Variants in GOSR2 observed in about 807,000 individuals in gnomAD.
GOSR2 encodes golgi SNAP receptor complex member 2.
A neutral mutation model predicts 27.9 loss-of-function variants in GOSR2; 20 were observed. That is an observed-to-expected ratio of 0.72 (90% CI 0.50 to 1.04). The LOEUF (loss-of-function observed/expected upper bound fraction) is 1.04. Among genes scored for constraint, GOSR2 ranks in the 50% least tolerant of loss-of-function variants. GOSR2 has a pLI of 0.00. For missense variants in GOSR2, 261 were observed against 270.5 expected, an observed-to-expected ratio of 0.97 and a Z score of 0.25; for synonymous variants, 91 against 98.8, an observed-to-expected ratio of 0.92 and a Z score of 0.47.
At chr17:46,972,414 C>G (rs1318143516) in intron 6 of GOSR2, among the ~76,000 whole-genome samples, 1 of 152,226 alleles carries the variant, frequency 6.6e-6, no homozygotes, top group Non-Finnish European at 1.5e-5. Flanking sequence ...GGAAGGAGAA[C>G]CTGGGACAGG....
intron 5 of GOSR2, chr17:46,936,965 T>TAAA (rs78020254): frequency 3.1e-5 from 6 of 196,324 alleles, no homozygotes; most frequent in Admixed American, 1.4e-4. Flanking sequence ...GTGTATTTAT[T>TAAA]AAAAAAAAAA....
In GOSR2 at chr17:46,939,054, G is replaced by GTTGGCTTT; in HGVS notation, c.*296_*297insGGCTTTTT. On this transcript the variant is annotated 3_prime_UTR_variant, in exon 6 of 6. Coordinates refer to ENST00000640051, the MANE Select transcript of GOSR2 (RefSeq NM_004287.5). Reference sequence around the variant, plus strand: ...GGGAAAGAATGGCTTTGGTGGCTTTGTTCACATAGCTGATGCGTGCCCTGG... The same window carrying GTTGGCTTT: ...GGGAAAGAATGGCTTTGGTGGCTTTGTTGGCTTTTTCACATAGCTGATGCGTGCCCTGG... The GTTGGCTTT allele has an allele frequency of 7.9e-7, 1 of 1,263,296 alleles. No individual in the cohort carries two copies. The highest frequency in any genetic ancestry group is 1.5e-5 in the South Asian group (1 of 66,738). 78.3% of individuals were successfully genotyped at this position (1,263,296 alleles called of 1,614,324 possible).
At chr17:46,936,301 C>T (rs922926147) in intron 5 of GOSR2, 1 of 985,186 alleles carries the variant, frequency 1.0e-6, no homozygotes, top group Non-Finnish European at 1.2e-6. Context: ...CCATGTCACA[C>T]TGATGAAGAG....
Position 46,939,752 on chromosome 17 carries a change from CT to C in GOSR2, c.*993del. 1.0e-6 allele frequency: 1 copy of C among 987,332 alleles called. No homozygotes were observed. Among genetic ancestry groups the C allele is most frequent in the Non-Finnish European group, 1.2e-6 (1 of 831,220 alleles). The allele number at this position is 987,332 out of a possible 1,614,324, so 61.2% of individuals were successfully genotyped here. A position where few individuals can be genotyped will look rare whatever the true frequency, so the allele number is the denominator to read the frequency against. On this transcript the variant is annotated 3_prime_UTR_variant, in exon 6 of 6. Transcript: ENST00000640051. ...GTAGTGTGTATGTCCTTGTAACACT[CT>C]GTTTTCAGGGACTACAACCTTTTTC...
At position 46,939,629 on chromosome 17, in the gene GOSR2, C is replaced by T. The variant is rs1448798514; in HGVS notation, c.*869C>T. The T allele has an allele frequency of 2.0e-6, 2 of 985,528 alleles. No homozygotes were observed. The highest frequency in any genetic ancestry group is 6.1e-5 in the Admixed American group (1 of 16,302). 61.0% of individuals were successfully genotyped at this position (985,528 alleles called of 1,614,324 possible). On this transcript the variant is annotated 3_prime_UTR_variant, in exon 6 of 6. Transcript: ENST00000640051. The stretch of plus-strand genomic sequence containing the variant: ...AGCTCTAGTTTTAGTATCTCTAATT[C>T]TTTGGTTCCCTTCTCTTCCCTGAAA...
At chr17:46,952,277 G>T (rs1377421234) in intron 6 of GOSR2, among the ~76,000 whole-genome samples, 1 of 152,218 alleles carries the variant, frequency 6.6e-6, no homozygotes, top group Non-Finnish European at 1.5e-5. Context: ...AGCGCCTGAA[G>T]CAGGCCTGGT....
At chr17:46,943,267 A>C (rs1212057976), downstream of GOSR2, among the ~76,000 whole-genome samples, 2 of 152,120 alleles carry the variant, frequency 1.3e-5, no homozygotes, top group African/African-American at 4.8e-5. Context: ...CCTTGTGGCC[A>C]TTGGGTGCCC....
Position 46,940,636 on chromosome 17 carries a change from G to A in GOSR2, c.*1876G>A. ...TGAGCCATTTGTTCTTGAACTCTGG[G>A]AGGCAGAAGTCCCCGCACCCATCAT... On this transcript the variant is annotated 3_prime_UTR_variant, in exon 6 of 6. Transcript: ENST00000640051. 2 of 1,614,002 alleles carry A rather than the reference G, an allele frequency of 1.2e-6. No individual in the cohort carries two copies. Among genetic ancestry groups the A allele is most frequent in the East Asian group, 2.2e-5 (1 of 44,890 alleles).
rs913255711 is a variant in GOSR2 at position 46,940,813 on chromosome 17, C to T, written c.*2053C>T. ...AGAGGTGGTTTTTGGGTCTTTACCA[C>T]CTGCGGCTGGTGGACAGCAGCCAGT... On this transcript the variant is annotated 3_prime_UTR_variant, in exon 6 of 6. Coordinates refer to ENST00000640051, the MANE Select transcript of GOSR2 (RefSeq NM_004287.5). 1.2e-5 allele frequency: 18 copies of T among 1,473,618 alleles called. No individual in the cohort carries two copies. The highest frequency in any genetic ancestry group is 1.5e-5 in the Non-Finnish European group (17 of 1,114,214). 91.3% of individuals were successfully genotyped at this position (1,473,618 alleles called of 1,614,324 possible).
chr17:46,938,932 A>T lies in GOSR2; in HGVS notation c.*172A>T. On this transcript the variant is annotated 3_prime_UTR_variant, in exon 6 of 6. Coordinates refer to ENST00000640051, the MANE Select transcript of GOSR2 (RefSeq NM_004287.5). Reference sequence around the variant, plus strand: ...TCCAACCTGCTCTGTTTTCTGTGACATCTTGGAGGGGGAGCTAGTGCCACC... The same window carrying T: ...TCCAACCTGCTCTGTTTTCTGTGACTTCTTGGAGGGGGAGCTAGTGCCACC... 6.6e-7 allele frequency: 1 copy of T among 1,505,322 alleles called. No individual in the cohort carries two copies. The highest frequency in any genetic ancestry group is 2.5e-5 in the East Asian group (1 of 39,688). The allele number at this position is 1,505,322 out of a possible 1,614,324, so 93.2% of individuals were successfully genotyped here. A position where few individuals can be genotyped will look rare whatever the true frequency, so the allele number is the denominator to read the frequency against.
chr17:46,931,034 T>A (rs1386620511), intron 2 of GOSR2, 65 bp from the exon 3 acceptor site: 1 of 907,452 alleles, frequency 1.1e-6, no homozygotes, highest in Non-Finnish European at 1.8e-6. Flanking sequence ...AATCTGTGAT[T>A]TATCATTGTA....
chr17:46,931,761 G>T, intron 3 of GOSR2: 1 of 455,668 alleles, frequency 2.2e-6, no homozygotes. Context: ...ATCCATAGAA[G>T]GTCAAGAAGA....
At chr17:46,971,848 T>C (rs908079937), downstream of GOSR2, among the ~76,000 whole-genome samples, 40 of 152,232 alleles carry the variant, frequency 2.6e-4, no homozygotes, top group Admixed American at 9.2e-4. Context: ...TGCATGTTTT[T>C]CTTCTGTGTT....
chr17:46,974,268 C>T (rs527656890), intron 6 of GOSR2, among the ~76,000 whole-genome samples: 10 of 152,358 alleles, frequency 6.6e-5, no homozygotes, highest in South Asian at 6.2e-4. Flanking sequence ...GTCTGCCATC[C>T]GTTGCTCACC....
Position 46,938,646 on chromosome 17 carries a change from C to T in GOSR2, c.525C>T (p.Ser175=), listed in dbSNP as rs2147050274. The part of the protein sequence containing the change: ...ILDIANMLGL[S]NTVMRLIEKR... The stretch of plus-strand genomic sequence containing the variant: ...ACATTGCCAACATGCTGGGCTTGTC[C>T]AACACAGTGATGCGGCTCATCGAGA... Residue 175 remains serine (S), a synonymous_variant, in exon 6 of 6, where the codon TCC becomes TCT. Coordinates refer to ENST00000640051, the MANE Select transcript of GOSR2 (RefSeq NM_004287.5). 6.2e-7 allele frequency: 1 copy of T among 1,614,090 alleles called. No individual in the cohort carries two copies. Among genetic ancestry groups the T allele is most frequent in the Non-Finnish European group, 8.5e-7 (1 of 1,179,998 alleles).
rs2089271834 is a variant in GOSR2, at chr17:46,941,510, T to G, written c.*2750T>G. ...GAAGCAGTGGGGAAGCTTTTTAAAA[T>G]TACATATTCCTGGGGCCTACCCCAG... is the stretch of plus-strand genomic sequence containing the variant. On this transcript the variant is annotated 3_prime_UTR_variant, in exon 6 of 6. Coordinates refer to ENST00000640051, the MANE Select transcript of GOSR2 (RefSeq NM_004287.5). 2 of 667,302 alleles carry G rather than the reference T, an allele frequency of 3.0e-6. No individual in the cohort carries two copies. Among genetic ancestry groups the G allele is most frequent in the Non-Finnish European group, 3.7e-6 (2 of 539,306 alleles). 41.3% of individuals were successfully genotyped at this position (667,302 alleles called of 1,614,324 possible).
chr17:46,961,978 C>A (rs55892126), intron 6 of GOSR2, among the ~76,000 whole-genome samples: 2,247 of 152,128 alleles, frequency 0.015, 58 homozygotes, highest in African/African-American at 0.052. Context: ...CTGTGCAAAT[C>A]CAAAAACATG....
At chr17:46,944,190 T>G (rs924615440), downstream of GOSR2, among the ~76,000 whole-genome samples, 1 of 152,236 alleles carries the variant, frequency 6.6e-6, no homozygotes. Context: ...CCCTGGCATG[T>G]GTCCAGTGCC....
Position 46,955,024 on chromosome 17 carries a change from T to C in GOSR2, c.584-11510T>C, listed in dbSNP as rs1482952719. On this transcript the variant is annotated intron_variant, in intron 6 of 6. Transcript: ENST00000573224. ...ATACCCTTTATTTCCTTCTGCCTGA[T>C]TGCCCTGGCCAGAACTTCCAACACT... Among the ~76,000 whole-genome samples the C allele has an allele frequency of 6.6e-5, 10 of 152,352 alleles. No individual in the cohort carries two copies. In the East Asian group the frequency reaches 1.9e-3, roughly 29 times the overall value.
Sources: gnomAD v4.1 joint callset for allele counts (sites outside exome capture counted in the v4.1 genomes callset) on GRCh38, gnomAD v4.1.1 for gene constraint, MANE v1.5 for transcripts, NCBI Gene and HGNC (gene_info 2026-07-23, HGNC 2026-07-21) for gene names.